Variants in AMPD3 observed in about 807,000 individuals in gnomAD.
The protein encoded by AMPD3 is AMP deaminase 3.
A neutral mutation model predicts 82.3 loss-of-function variants in AMPD3; 57 were observed. The ratio of observed to expected loss-of-function variants is 0.69; its 90% CI spans 0.56 to 0.86. The LOEUF (loss-of-function observed/expected upper bound fraction) is 0.86. Ranked by LOEUF, AMPD3 falls within the 40% of genes least tolerant of loss-of-function variation. AMPD3 has a pLI of 0.00. For missense variants in AMPD3, 870 were observed against 1,003.8 expected, an observed-to-expected ratio of 0.87 and a Z score of 1.80; for synonymous variants, 381 against 394.7, an observed-to-expected ratio of 0.97 and a Z score of 0.41.
rs780419040 is a variant in AMPD3, at chr11:10,456,340, G to A, written c.-6+892G>A. 6.2e-7 allele frequency: 1 copy of A among 1,612,864 alleles called. No homozygotes were observed. The highest frequency in any genetic ancestry group is 8.5e-7 in the Non-Finnish European group (1 of 1,179,202). ...AGCTGAGCCTCCTGGGTGGCAGGCA[G>A]CACCTCACCCGGGTGCATCACTTGA... On this transcript the variant is annotated intron_variant, in intron 1 of 14. Coordinates refer to ENST00000396553, the MANE Select transcript of AMPD3 (RefSeq NM_001025389.2). The surrounding 1 kb of genome is among the most constrained non-coding windows in gnomAD (Gnocchi z 4.3).
At chr11:10,471,281 C>CTCCT (rs556129765) in intron 2 of AMPD3, among the ~76,000 whole-genome samples, 23,560 of 151,860 alleles carry the variant, frequency 0.16, 2,056 homozygotes, top group Non-Finnish European at 0.2. Context: ...TGAAACTGGA[C>CTCCT]TCCTTACACC....
At chr11:10,454,581 G>C (rs1848040519), upstream of AMPD3, among the ~76,000 whole-genome samples, 1 of 152,214 alleles carries the variant, frequency 6.6e-6, no homozygotes, top group South Asian at 2.1e-4. Context: ...ACAGGATGCA[G>C]TGTTTTCCAA....
Position 10,487,329 on chromosome 11 carries a change from A to T in AMPD3, c.904A>T (p.Ser302Cys). 1.2e-6 allele frequency: 2 copies of T among 1,614,158 alleles called. No individual in the cohort carries two copies. The highest frequency in any genetic ancestry group is 1.7e-6 in the Non-Finnish European group (2 of 1,180,014). The change falls in exon 6 of 15, where the codon AGT becomes TGT. Residue 302 changes from serine (S) to cysteine (C), a missense_variant. Physicochemically the swap from Ser to Cys is moderately radical, Grantham distance 112. Coordinates refer to ENST00000396553, the MANE Select transcript of AMPD3 (RefSeq NM_001025389.2). Reference sequence around the variant, plus strand: ...AATGTCCGAGTTCAAAGAGTTGAAGAGTAACCCCCACCGGGACTTCTATAA... The same window carrying T: ...AATGTCCGAGTTCAAAGAGTTGAAGTGTAACCCCCACCGGGACTTCTATAA... ...NEMSEFKELK[S>C]NPHRDFYNVR...
chr11:10,464,243 A>G lies in AMPD3; in HGVS notation c.221+2503A>G, dbSNP rs147547955. ...CAGCTCCTGCCATTGAATACTTACT[A>G]TGGGCTAAGTACTAGCCTGTGTAGG... On this transcript the variant is annotated intron_variant, in intron 2 of 14. Transcript: ENST00000396553. Among the ~76,000 whole-genome samples the G allele has an allele frequency of 5.0e-3, 765 of 152,344 alleles. 9 individuals are homozygous for G. The highest frequency in any genetic ancestry group is 0.018 in the African/African-American group (730 of 41,582).
chr11:10,466,521 A>C (rs982538476), intron 2 of AMPD3, among the ~76,000 whole-genome samples: 4 of 152,156 alleles, frequency 2.6e-5, no homozygotes, highest in Non-Finnish European at 5.9e-5. Context: ...GCATCTCTGA[A>C]AAAAAGGCAG....
chr11:10,483,734 C>T (rs908659851), intron 4 of AMPD3, among the ~76,000 whole-genome samples: 3 of 152,260 alleles, frequency 2.0e-5, no homozygotes, highest in Non-Finnish European at 4.4e-5. Flanking sequence ...GCTCTGCCTG[C>T]ATCAGCCCCT....
chr11:10,460,849 TGCGAGGA>T (rs1157215970), intron 1 of AMPD3: 193 of 978,558 alleles, frequency 2.0e-4, no homozygotes, highest in Non-Finnish European at 2.2e-4. Context: ...GGAATCAGTA[TGCGAGGA>T]GGTGGATAGA....
At chr11:10,459,755 C>T in intron 1 of AMPD3, among the ~76,000 whole-genome samples, 1 of 151,980 alleles carries the variant, frequency 6.6e-6, no homozygotes, top group East Asian at 1.9e-4. Context: ...TGCCCGGACA[C>T]ATACGTGGAC....
intron 1 of AMPD3, among the ~76,000 whole-genome samples, chr11:10,458,514 G>A (rs1344023593): frequency 1.3e-5 from 2 of 151,920 alleles, no homozygotes; most frequent in Non-Finnish European, 2.9e-5. Context: ...CTGCCACCTG[G>A]TCATTTTGAC....
chr11:10,502,409 G>A (rs1376508588), intron 12 of AMPD3: 1 of 985,360 alleles, frequency 1.0e-6, no homozygotes, highest in East Asian at 1.1e-4. Flanking sequence ...GGAGCTGAAG[G>A]TGTAGGCTGG....
intron 2 of AMPD3, among the ~76,000 whole-genome samples, chr11:10,470,625 T>TA (rs1177491796): frequency 2.0e-5 from 3 of 152,138 alleles, no homozygotes; most frequent in African/African-American, 4.8e-5. Flanking sequence ...AGTCTCAGGA[T>TA]AAAAAATCAA....
upstream of AMPD3, among the ~76,000 whole-genome samples, chr11:10,451,778 C>T (rs1034926724): frequency 6.6e-6 from 1 of 152,184 alleles, no homozygotes; most frequent in Admixed American, 6.5e-5. Context: ...GTTGGCTTTC[C>T]CTCAGGATGC....
intron 2 of AMPD3, chr11:10,477,784 A>G: frequency 2.7e-6 from 2 of 735,580 alleles, no homozygotes; most frequent in Non-Finnish European, 3.3e-6. Flanking sequence ...CCACTGTGCC[A>G]TGGGCCGTGT....
intron 8 of AMPD3, 71 bp from the exon 9 acceptor site, chr11:10,495,499 G>C: frequency 5.0e-6 from 8 of 1,610,262 alleles, no homozygotes; most frequent in Non-Finnish European, 5.9e-6. Context: ...GGACCCTGCT[G>C]GTGACGGAGA....
At chr11:10,497,105 A>C (rs1849428244) in intron 10 of AMPD3, among the ~76,000 whole-genome samples, 167 bp downstream of exon 10, 1 of 151,900 alleles carries the variant, frequency 6.6e-6, no homozygotes, top group South Asian at 2.1e-4. Context: ...ATTTCTAAAA[A>C]GTCCCCTTCT....
chr11:10,504,116 AT>A, intron 13 of AMPD3: 5 of 6,038 alleles, frequency 8.3e-4, no homozygotes, highest in South Asian at 9.4e-3. Flanking sequence ...TACTTTACTC[AT>A]CTATCTATCT....
chr11:10,465,578 G>C (rs1276714158), intron 2 of AMPD3, among the ~76,000 whole-genome samples: 1 of 152,182 alleles, frequency 6.6e-6, no homozygotes, highest in African/African-American at 2.4e-5. Context: ...GCCAAAGCAA[G>C]GTGAGGCGTT....
chr11:10,482,093 A>G lies in AMPD3; in HGVS notation c.457A>G (p.Lys153Glu). The change falls in exon 4 of 15, where the codon AAG becomes GAG. Residue 153 changes from lysine to glutamate, a missense_variant. By Grantham distance (56) the Lys-to-Glu change is moderately conservative. Transcript: ENST00000396553. ...TTTGGAGGACTATGAGCAGGCAGCCAAGAGTCTGGCCAAGGCCCTAATGAT... is the reference window on the plus strand; with the variant it reads ...TTTGGAGGACTATGAGCAGGCAGCCGAGAGTCTGGCCAAGGCCCTAATGAT... ...ITLEDYEQAA[K>E]SLAKALMIRE... The G allele has an allele frequency of 6.2e-7, 1 of 1,614,180 alleles. No individual in the cohort carries two copies. Among genetic ancestry groups the G allele is most frequent in the South Asian group, 1.1e-5 (1 of 91,084 alleles).
chr11:10,459,250 A>G (rs1450647551), intron 1 of AMPD3, among the ~76,000 whole-genome samples: 4 of 151,996 alleles, frequency 2.6e-5, no homozygotes, highest in African/African-American at 9.7e-5. Context: ...GAGTTAAGGG[A>G]GCCACAGACC....
Sources: gnomAD v4.1 joint callset for allele counts (sites outside exome capture counted in the v4.1 genomes callset) on GRCh38, gnomAD v4.1.1 for gene constraint, Gnocchi (gnomAD v3.1) non-coding constraint, MANE v1.5 for transcripts, NCBI Gene and HGNC (gene_info 2026-07-23, HGNC 2026-07-21) for gene names.